The following SI variants were observed in gnomAD, a reference collection of about 807,000 sequenced individuals.
SI encodes sucrase-isomaltase, intestinal.
Under a neutral mutation model 253.3 loss-of-function variants are expected in SI, and 235 were observed. That is an observed-to-expected ratio of 0.93 (90% confidence interval 0.83 to 1.03). SI has a LOEUF of 1.03. SI is among the 50% of genes least tolerant of loss of function. SI has a pLI of 0.00. For synonymous variants in SI, 819 were observed against 712.0 expected, an observed-to-expected ratio of 1.15 and a Z score of -2.39; for missense variants, 2,442 against 2,211.1, an observed-to-expected ratio of 1.10 and a Z score of -2.09.
rs575014596 is a variant in SI, at chr3:164,979,336, T to C, written c.*26A>G. ...ACTTAAATCCTGGTGTTTTTTCCCA[T>C]TGACAACTAAAATTGATGGTGATCT... On this transcript the variant is annotated 3_prime_UTR_variant, in exon 48 of 48. Coordinates refer to ENST00000264382, the MANE Select transcript of SI (RefSeq NM_001041.4). 2.0e-5 allele frequency: 29 copies of C among 1,429,450 alleles called. No homozygotes were observed. Among genetic ancestry groups the C allele is most frequent in the Middle Eastern group, 1.8e-4 (1 of 5,702 alleles). The allele number at this position is 1,429,450 out of a possible 1,614,324, so 88.5% of individuals were successfully genotyped here. A position where few individuals can be genotyped will look rare whatever the true frequency, so the allele number is the denominator to read the frequency against.
chr3:165,070,462 A>G (rs1714505185), intron 3 of SI, among the ~76,000 whole-genome samples: 1 of 150,798 alleles, frequency 6.6e-6, no homozygotes, highest in Non-Finnish European at 1.5e-5. Flanking sequence ...TGGATCTAAT[A>G]ACTTATTAGA....
chr3:165,035,701 T>C lies in SI; in HGVS notation c.2515+688A>G, dbSNP rs1712494671. ...AGAAGATAAATTATAATTTTTATAC[T>C]CATATATAAAACACATACCTAACAG... On this transcript the variant is annotated intron_variant, in intron 22 of 47. Coordinates refer to ENST00000264382, the MANE Select transcript of SI (RefSeq NM_001041.4). 2.0e-5 allele frequency among the ~76,000 whole-genome samples: 3 copies of C among 151,492 alleles called. No homozygotes were observed. The South Asian group carries it at 6.2e-4, about 32-fold the overall frequency.
intron 41 of SI, among the ~76,000 whole-genome samples, chr3:164,992,807 A>C (rs890340865): frequency 7.9e-5 from 12 of 151,902 alleles, no homozygotes; most frequent in African/African-American, 2.7e-4. Flanking sequence ...TTTTAAAAAG[A>C]GTTTGCTTAT....
At position 164,979,065 on chromosome 3, in the gene SI, T is replaced by A; in HGVS notation, c.*297A>T. ...TTTAATTTAAAAATCACGTTTAAAT[T>A]ATATCTTAGCTATTTACATACATGT... On this transcript the variant is annotated 3_prime_UTR_variant, in exon 48 of 48. Coordinates refer to ENST00000264382, the MANE Select transcript of SI (RefSeq NM_001041.4). 4.6e-6 allele frequency: 1 copy of A among 217,506 alleles called. No homozygotes were observed. The highest frequency in any genetic ancestry group is 9.1e-6 in the Non-Finnish European group (1 of 110,062). The allele number at this position is 217,506 out of a possible 1,614,324, so 13.5% of individuals were successfully genotyped here. A position where few individuals can be genotyped will look rare whatever the true frequency, so the allele number is the denominator to read the frequency against.
rs1027924557 is a variant in SI, at chr3:164,979,286, G to A, written c.*76C>T. On this transcript the variant is annotated 3_prime_UTR_variant, in exon 48 of 48. Transcript: ENST00000264382. ...TTGTAGAGTACAAGAACCAAGTGAAGAGGGAAAATTGTAAGTGCTGTGAAA... is the reference window on the plus strand; with the variant it reads ...TTGTAGAGTACAAGAACCAAGTGAAAAGGGAAAATTGTAAGTGCTGTGAAA... The A allele has an allele frequency of 6.9e-6, 6 of 865,882 alleles. No homozygotes were observed. The highest frequency in any genetic ancestry group is 1.2e-5 in the Non-Finnish European group (6 of 505,236). The allele number at this position is 865,882 out of a possible 1,614,324, so 53.6% of individuals were successfully genotyped here. A position where few individuals can be genotyped will look rare whatever the true frequency, so the allele number is the denominator to read the frequency against.
upstream of SI, among the ~76,000 whole-genome samples, chr3:165,081,170 G>C (rs1344653035): frequency 1.3e-5 from 2 of 151,910 alleles, no homozygotes; most frequent in Non-Finnish European, 2.9e-5. Flanking sequence ...GTTATGTACA[G>C]TAATTAAAAA....
At chr3:165,018,660 C>A (rs1420581149) in intron 28 of SI, among the ~76,000 whole-genome samples, 1 of 150,224 alleles carries the variant, frequency 6.7e-6, no homozygotes, top group Non-Finnish European at 1.5e-5. Context: ...ATAAAATTAC[C>A]AGTGAAATAG....
chr3:164,983,697 C>T (rs1239155238), intron 45 of SI, among the ~76,000 whole-genome samples: 1 of 152,030 alleles, frequency 6.6e-6, no homozygotes, highest in African/African-American at 2.4e-5. Flanking sequence ...TCAAGCAATC[C>T]TCCCACCTCA....
At chr3:165,084,213 A>G in the SI span, among the ~76,000 whole-genome samples, 2 of 152,096 alleles carry the variant, frequency 1.3e-5, no homozygotes, top group Non-Finnish European at 2.9e-5. Flanking sequence ...TAAACCAAGG[A>G]TATGGGTCCT....
At chr3:165,051,832 T>A (rs9757571) in intron 13 of SI, among the ~76,000 whole-genome samples, 88,578 of 145,976 alleles carry the variant, frequency 0.61, 26,238 homozygotes, top group East Asian at 0.82. Flanking sequence ...AGGATGAAAA[T>A]TTTTTTTAGA....
rs191131539 is a variant in SI, at chr3:165,039,301, T to C, written c.2245-167A>G. Among the ~76,000 whole-genome samples, 34 of 152,184 alleles carry C rather than the reference T, an allele frequency of 2.2e-4. No homozygotes were observed. In the East Asian group the frequency reaches 6.2e-3, roughly 28 times the overall value. The stretch of plus-strand genomic sequence containing the variant: ...GGGCTATTTTATTAGCTTTAGATAA[T>C]ATCATATTGTAAAACTTAAAAAAGC... On this transcript the variant is annotated intron_variant, in intron 19 of 47. Transcript: ENST00000264382.
chr3:164,996,031 T>C (rs554836251), intron 40 of SI, among the ~76,000 whole-genome samples: 2 of 151,948 alleles, frequency 1.3e-5, no homozygotes, highest in African/African-American at 2.4e-5. Flanking sequence ...GTTATGTCTC[T>C]ATTGTCCAGC....
intron 46 of SI, among the ~76,000 whole-genome samples, chr3:164,982,694 T>C (rs1447856599): frequency 6.6e-6 from 1 of 152,064 alleles, no homozygotes; most frequent in Non-Finnish European, 1.5e-5. Context: ...GTGAATCCAT[T>C]ACTGCCAGGC....
At chr3:165,018,094 A>G in intron 28 of SI, 28 bp from the exon 29 acceptor site, 1 of 1,231,740 alleles carries the variant, frequency 8.1e-7, no homozygotes, top group Non-Finnish European at 1.2e-6. Flanking sequence ...AGCACAATAT[A>G]TTTTAAGTAA....
Position 164,987,220 on chromosome 3 carries a change from T to A in SI, c.5115A>T (p.Gln1705His), listed in dbSNP as rs745695813. The change falls in exon 45 of 48, where the codon CAA becomes CAT. Residue 1705 changes from glutamine (Q) to histidine (H), a missense_variant. Coordinates refer to ENST00000264382, the MANE Select transcript of SI (RefSeq NM_001041.4). ...EPAQNTFYSR[Q>H]KHMKLIVAAD... The stretch of plus-strand genomic sequence containing the variant: ...CAGCAACAATGAGCTTCATGTGTTT[T>A]TGTCGACTATAAGAAAGAAATATAT... 1 of 1,613,044 alleles carries A rather than the reference T, an allele frequency of 6.2e-7. No homozygotes were observed. Among genetic ancestry groups the A allele is most frequent in the Non-Finnish European group, 8.5e-7 (1 of 1,179,158 alleles).
chr3:165,001,930 TTTA>T (rs1044742022), intron 37 of SI, among the ~76,000 whole-genome samples: 3 of 151,560 alleles, frequency 2.0e-5, no homozygotes, highest in African/African-American at 7.2e-5. Flanking sequence ...ATTATCCCAG[TTTA>T]TAAGAATATC....
At position 165,065,296 on chromosome 3, in the gene SI, A is replaced by G. The variant is rs1264217873; in HGVS notation, c.772T>C (p.Trp258Arg). 1.2e-6 allele frequency: 2 copies of G among 1,608,722 alleles called. No individual in the cohort carries two copies. Among genetic ancestry groups the G allele is most frequent in the Non-Finnish European group, 1.7e-6 (2 of 1,176,734 alleles). ...AGTTGGTCTCGAGTAAAAATTGGCC[A>G]TGTTTTCCAGGATAAATCATGACGA... Reference protein sequence around the residue: ...RFRHDLSWKTWPIFTRDQLPG... With the variant: ...RFRHDLSWKTRPIFTRDQLPG... Residue 258 changes from tryptophan (W) to arginine (R), a missense_variant, in exon 7 of 48, where the codon TGG (tryptophan) becomes CGG (arginine). Coordinates refer to ENST00000264382, the MANE Select transcript of SI (RefSeq NM_001041.4).
At chr3:165,010,490 G>T (rs980360176) in intron 34 of SI, among the ~76,000 whole-genome samples, 2 of 152,036 alleles carry the variant, frequency 1.3e-5, no homozygotes, top group African/African-American at 2.4e-5. Flanking sequence ...AGTAGAAAGG[G>T]ACTTAATTTT....
chr3:165,074,937 A>G (rs547994973), intron 2 of SI, among the ~76,000 whole-genome samples: 37 of 152,006 alleles, frequency 2.4e-4, no homozygotes, highest in Non-Finnish European at 4.1e-4. Flanking sequence ...CTTGGTGTAG[A>G]TTCAGAAGGT....
Sources: gnomAD v4.1 joint callset for allele counts (sites outside exome capture counted in the v4.1 genomes callset) on GRCh38, gnomAD v4.1.1 for gene constraint, MANE v1.5 for transcripts, NCBI Gene and HGNC (gene_info 2026-07-23, HGNC 2026-07-21) for gene names.